Variants in PLPPR5 observed in about 807,000 individuals in gnomAD.
PLPPR5 encodes the protein phospholipid phosphatase-related protein type 5.
In PLPPR5, 16 loss-of-function variants were observed where a neutral mutation model predicts 33.9. That is an observed-to-expected ratio of 0.47 (90% CI 0.32 to 0.72). The LOEUF is 0.72. Ranked by LOEUF, PLPPR5 falls within the 30% of genes least tolerant of loss-of-function variation. The pLI is 0.03. For synonymous variants in PLPPR5, 163 were observed against 150.3 expected (o/e 1.08, Z -0.62); for missense variants, 301 against 406.7 (o/e 0.74, Z 2.23).
intron 5 of PLPPR5, among the ~76,000 whole-genome samples, chr1:98,894,677 C>T (rs1648403965): frequency 6.6e-6 from 1 of 151,936 alleles, no homozygotes; most frequent in Admixed American, 6.6e-5. Context: ...GGATGGTGTC[C>T]CAAAGGCCAC....
chr1:98,989,244 T>C (rs1174246189), intron 1 of PLPPR5, among the ~76,000 whole-genome samples: 2 of 152,136 alleles, frequency 1.3e-5, no homozygotes, highest in East Asian at 3.9e-4. Flanking sequence ...TTGGTTTGGT[T>C]CATGGGGACC....
intron 5 of PLPPR5, 111 bp downstream of exon 5, chr1:98,914,675 T>C: frequency 1.0e-6 from 1 of 956,638 alleles, no homozygotes; most frequent in Non-Finnish European, 1.5e-6. Flanking sequence ...AAATATCACA[T>C]TACACTAAGT....
intron 1 of PLPPR5, among the ~76,000 whole-genome samples, chr1:98,975,455 T>A (rs555889295): frequency 2.0e-5 from 3 of 152,108 alleles, no homozygotes. Context: ...GATCCATGCA[T>A]ACAGATGAAG....
At chr1:98,974,935 A>G (rs755840312) in intron 1 of PLPPR5, among the ~76,000 whole-genome samples, 8 of 152,014 alleles carry the variant, frequency 5.3e-5, no homozygotes, top group Non-Finnish European at 1.0e-4. Context: ...TTTTGCTGCT[A>G]AACCCTATAT....
chr1:98,930,797 C>CAA (rs1649934762), intron 3 of PLPPR5, among the ~76,000 whole-genome samples: 1 of 152,064 alleles, frequency 6.6e-6, no homozygotes, highest in Non-Finnish European at 1.5e-5. Flanking sequence ...TCTTCTTTCC[C>CAA]CCTCTCAAGG....
intron 1 of PLPPR5, among the ~76,000 whole-genome samples, chr1:98,977,841 T>C (rs1651915291): frequency 6.6e-6 from 1 of 151,784 alleles, no homozygotes; most frequent in Admixed American, 6.6e-5. Flanking sequence ...TATACTATAG[T>C]AAATGGCGCT....
intron 3 of PLPPR5, among the ~76,000 whole-genome samples, chr1:98,922,978 C>CT (rs1649624340): frequency 6.8e-6 from 1 of 147,878 alleles, no homozygotes. Context: ...GAGCGAGACT[C>CT]TGTCTCAAAA....
At chr1:98,967,129 G>A (rs572737362) in intron 1 of PLPPR5, among the ~76,000 whole-genome samples, 4 of 152,258 alleles carry the variant, frequency 2.6e-5, no homozygotes, top group Non-Finnish European at 5.9e-5. Flanking sequence ...TACTTGTACT[G>A]TGCAAAGAGC....
chr1:98,938,642 T>C (rs1650260774), intron 3 of PLPPR5, among the ~76,000 whole-genome samples: 1 of 151,700 alleles, frequency 6.6e-6, no homozygotes, highest in African/African-American at 2.4e-5. Flanking sequence ...CTACTCACAA[T>C]AGCAAACACA....
At chr1:98,922,601 A>G (rs1168839879) in intron 3 of PLPPR5, among the ~76,000 whole-genome samples, 1 of 152,242 alleles carries the variant, frequency 6.6e-6, no homozygotes, top group Non-Finnish European at 1.5e-5. Context: ...TTAAGATTCA[A>G]TGCAATGCCG....
intron 5 of PLPPR5, among the ~76,000 whole-genome samples, chr1:98,893,584 T>C (rs1172242394): frequency 3.3e-5 from 5 of 151,618 alleles, no homozygotes; most frequent in African/African-American, 1.2e-4. Context: ...GTAGTCTCTG[T>C]TGTTTACCTC....
intron 4 of PLPPR5, among the ~76,000 whole-genome samples, chr1:98,921,642 A>G (rs1649556962): frequency 6.6e-6 from 1 of 152,212 alleles, no homozygotes; most frequent in African/African-American, 2.4e-5. Flanking sequence ...ATGAAAATAT[A>G]TTGTTCAACT....
At chr1:98,898,752 G>C (rs1488454083) in intron 5 of PLPPR5, among the ~76,000 whole-genome samples, 1 of 152,048 alleles carries the variant, frequency 6.6e-6, no homozygotes, top group East Asian at 1.9e-4. Flanking sequence ...GACTTTTTTG[G>C]GGGACTATTA....
At chr1:98,960,893 C>T (rs547255552) in intron 1 of PLPPR5, among the ~76,000 whole-genome samples, 17 of 152,300 alleles carry the variant, frequency 1.1e-4, no homozygotes, top group Admixed American at 6.5e-4. Flanking sequence ...ACAGGCTCCT[C>T]CTAGCCAATG....
chr1:98,910,392 C>T (rs1004482247), intron 5 of PLPPR5, among the ~76,000 whole-genome samples: 28 of 148,050 alleles, frequency 1.9e-4, no homozygotes, highest in African/African-American at 3.4e-4. Flanking sequence ...GTTGACAGGC[C>T]TCTTGGAAAT....
intron 5 of PLPPR5, 33 bp from the exon 6 acceptor site, chr1:98,893,137 G>A: frequency 1.9e-6 from 3 of 1,603,722 alleles, no homozygotes; most frequent in Non-Finnish European, 2.6e-6. Flanking sequence ...CAAAGTGAGA[G>A]GCTTGGGAAC....
At chr1:98,955,661 T>C (rs766960939) in intron 2 of PLPPR5, among the ~76,000 whole-genome samples, 20 of 152,084 alleles carry the variant, frequency 1.3e-4, no homozygotes, top group Non-Finnish European at 2.9e-4. Flanking sequence ...AATGGGTTTA[T>C]AGATAGATTA....
intron 1 of PLPPR5, among the ~76,000 whole-genome samples, chr1:98,974,050 G>A (rs1459339180): frequency 1.3e-5 from 2 of 151,894 alleles, no homozygotes; most frequent in Non-Finnish European, 2.9e-5. Flanking sequence ...GAAAGCAAAA[G>A]GGCACATGCA....
intron 1 of PLPPR5, among the ~76,000 whole-genome samples, chr1:98,988,782 C>T (rs1652348552): frequency 6.6e-6 from 1 of 152,080 alleles, no homozygotes; most frequent in African/African-American, 2.4e-5. Context: ...GTTTTCCTTG[C>T]TTATGCCTCT....
Sources: gnomAD v4.1 joint callset for allele counts (sites outside exome capture counted in the v4.1 genomes callset) on GRCh38, gnomAD v4.1.1 for gene constraint, MANE v1.5 for transcripts, NCBI Gene and HGNC (gene_info 2026-07-23, HGNC 2026-07-21) for gene names.